POLR1B: variants seen among roughly 807,000 people sequenced by gnomAD.
The protein encoded by POLR1B is RNA polymerase I subunit B, also known as DNA-directed RNA polymerase I subunit RPA2.
In POLR1B, 30 loss-of-function variants were observed where a neutral mutation model predicts 105.8. That is an observed-to-expected ratio of 0.28 (90% confidence interval 0.21 to 0.38). POLR1B has a LOEUF of 0.38. POLR1B is among the 10% of genes least tolerant of loss of function. The pLI, the probability that POLR1B is intolerant of heterozygous loss-of-function variation, is 1.00. For synonymous variants in POLR1B, 485 were observed against 505.1 expected (o/e 0.96, Z 0.53); for missense variants, 976 against 1,435.8 (o/e 0.68, Z 5.17).
At chr2:112,562,929 A>G (rs1684079421) in intron 9 of POLR1B, among the ~76,000 whole-genome samples, 1 of 149,996 alleles carries the variant, frequency 6.7e-6, no homozygotes, top group Admixed American at 6.6e-5. Context: ...GGGTTTTTCC[A>G]TGTTGGTCAG....
In POLR1B at chr2:112,550,872, C is replaced by G; in HGVS notation, c.632C>G (p.Ser211Ter). Residue 211 changes from serine to a stop codon, truncating the protein, a stop_gained, in exon 5 of 15, where the codon TCA becomes TGA. Transcript: ENST00000263331. LOFTEE classifies it high-confidence loss of function. ...RGPGYTQYGV[S>*]MHCVREEHSA... is the part of the protein sequence containing the mutation. Reference sequence around the variant, plus strand: ...TTGTTGTTTGGTTCAATAGGAGTTTCAATGCACTGTGTGAGGGAAGAACAT... The same window carrying G: ...TTGTTGTTTGGTTCAATAGGAGTTTGAATGCACTGTGTGAGGGAAGAACAT... 1 of 1,613,884 alleles carries G rather than the reference C, an allele frequency of 6.2e-7. No individual in the cohort carries two copies. Among genetic ancestry groups the G allele is most frequent in the East Asian group, 2.2e-5 (1 of 44,880 alleles).
At chr2:112,556,854 G>A (rs1408495764) in intron 7 of POLR1B, among the ~76,000 whole-genome samples, 1 of 151,830 alleles carries the variant, frequency 6.6e-6, no homozygotes, top group Non-Finnish European at 1.5e-5. Context: ...ATATTTATCG[G>A]GTATACAGTG....
chr2:112,578,030 C>T lies in POLR1B; in HGVS notation c.*2301C>T, dbSNP rs149033700. Among the ~76,000 whole-genome samples, 5 of 152,140 alleles carry T rather than the reference C, an allele frequency of 3.3e-5. No individual in the cohort carries two copies. The highest frequency in any genetic ancestry group is 9.7e-5 in the African/African-American group (4 of 41,450). ...AGGTTCTGGCTACTGAATGATCCCA[C>T]AGCTGAGGTCTATTGTCATCGCTCC... On this transcript the variant is annotated 3_prime_UTR_variant, in exon 15 of 15. Transcript: ENST00000263331.
intron 1 of POLR1B, among the ~76,000 whole-genome samples, chr2:112,543,563 G>A (rs148673854): frequency 4.6e-5 from 7 of 152,304 alleles, no homozygotes; most frequent in Admixed American, 3.3e-4. Flanking sequence ...AGAGTCACAT[G>A]CTTCGGGGAC....
intron 3 of POLR1B, among the ~76,000 whole-genome samples, chr2:112,548,770 G>T (rs1437233925): frequency 6.6e-6 from 1 of 152,012 alleles, no homozygotes; most frequent in African/African-American, 2.4e-5. Context: ...CCACTACCAC[G>T]CCTGGCTAAT....
At position 112,551,936 on chromosome 2, in the gene POLR1B, C is replaced by A; in HGVS notation, c.924C>A (p.Phe308Leu). 1 of 1,614,182 alleles carries A rather than the reference C, an allele frequency of 6.2e-7. No individual in the cohort carries two copies. The highest frequency in any genetic ancestry group is 8.5e-7 in the Non-Finnish European group (1 of 1,180,036). The change falls in exon 6 of 15, where the codon TTC (phenylalanine) becomes TTA (leucine). Residue 308 changes from phenylalanine to leucine, a missense_variant. Around this residue, in one of 12 missense-constraint regions of POLR1B, gnomAD observed 452 missense variants for 616.5 expected, o/e 0.73. Coordinates refer to ENST00000263331, the MANE Select transcript of POLR1B (RefSeq NM_019014.6). ...TCCTTAACTACCTAGGTGAATGCTTCAGAGTAAAACTCAATGTTCCTGACT... is the reference window on the plus strand; with the variant it reads ...TCCTTAACTACCTAGGTGAATGCTTAAGAGTAAAACTCAATGTTCCTGACT... The part of the protein sequence containing the change: ...KQVLNYLGEC[F>L]RVKLNVPDWY...
intron 9 of POLR1B, among the ~76,000 whole-genome samples, chr2:112,561,351 C>T (rs904843593): frequency 1.3e-5 from 2 of 152,074 alleles, no homozygotes; most frequent in Non-Finnish European, 2.9e-5. Flanking sequence ...ACCTAACTTT[C>T]GATAGAGATG....
rs748317891 is a variant in POLR1B, at chr2:112,572,613, A to G, written c.2126A>G (p.Asn709Ser). Residue 709 changes from asparagine (N) to serine (S), a missense_variant, in exon 13 of 15, where the codon AAC becomes AGC. By Grantham distance (46) the Asn-to-Ser change is conservative. Coordinates refer to ENST00000263331, the MANE Select transcript of POLR1B (RefSeq NM_019014.6). ...CTCACTTATCAAGACCGATCGGATA[A>G]CAAACTGTATCGTCTTCAGACTCCT... is the stretch of plus-strand genomic sequence containing the variant. ...PLLTYQDRSD[N>S]KLYRLQTPQS... 1 of 1,611,646 alleles carries G rather than the reference A, an allele frequency of 6.2e-7. No homozygotes were observed. The highest frequency in any genetic ancestry group is 8.5e-7 in the Non-Finnish European group (1 of 1,178,990).
intron 11 of POLR1B, among the ~76,000 whole-genome samples, chr2:112,568,370 A>G (rs1026403521): frequency 6.6e-6 from 1 of 152,146 alleles, no homozygotes; most frequent in African/African-American, 2.4e-5. Flanking sequence ...CCTGCCTCCC[A>G]TCTTATCTAG....
chr2:112,546,544 C>CA (rs1683053248), intron 1 of POLR1B, among the ~76,000 whole-genome samples: 1 of 53,158 alleles, frequency 1.9e-5, no homozygotes, highest in East Asian at 7.5e-4. Context: ...CTGGAGGTAG[C>CA]TTTTTTTTTT....
chr2:112,576,467 C>G lies in POLR1B; in HGVS notation c.*738C>G, dbSNP rs1371392973. On this transcript the variant is annotated 3_prime_UTR_variant, in exon 15 of 15. Coordinates refer to ENST00000263331, the MANE Select transcript of POLR1B (RefSeq NM_019014.6). ...CATGTTGTACAACAGATCTTTAGAC[C>G]TTACTTGTCTTGCATAACTGAAGCT... 1 of 152,100 alleles carries G rather than the reference C, an allele frequency of 6.6e-6. No individual in the cohort carries two copies. The highest frequency in any genetic ancestry group is 1.5e-5 in the Non-Finnish European group (1 of 68,026). The allele number at this position is 152,100 out of a possible 1,614,324, so 9.4% of individuals were successfully genotyped here.
At chr2:112,573,837 G>GTT in intron 14 of POLR1B, 22 bp downstream of exon 14, 1 of 1,605,742 alleles carries the variant, frequency 6.2e-7, no homozygotes, top group Non-Finnish European at 8.5e-7. Flanking sequence ...TATCCAAGCT[G>GTT]TTTTGTTTTT....
At chr2:112,550,165 T>C (rs1435155029) in intron 4 of POLR1B, among the ~76,000 whole-genome samples, 1 of 152,234 alleles carries the variant, frequency 6.6e-6, no homozygotes, top group Non-Finnish European at 1.5e-5. Flanking sequence ...TTACTACTTA[T>C]GAAGATGGAA....
Position 112,568,917 on chromosome 2 carries a change from T to G in POLR1B, c.2074+15T>G. 1 of 1,611,558 alleles carries G rather than the reference T, an allele frequency of 6.2e-7. No homozygotes were observed. The highest frequency in any genetic ancestry group is 8.5e-7 in the Non-Finnish European group (1 of 1,178,250). ...ATGCCAGATGGGTAAGGAAGAGGGA[T>G]GATGTTACAGTCACAATCAGGAAAG... On this transcript the variant is annotated intron_variant, in intron 12 of 14. Transcript: ENST00000263331.
intron 10 of POLR1B, among the ~76,000 whole-genome samples, chr2:112,566,753 G>A (rs1407496334): frequency 2.0e-5 from 3 of 147,104 alleles, no homozygotes; most frequent in African/African-American, 7.5e-5. Flanking sequence ...TTTTTTTTGA[G>A]GCAGAGTCTC....
intron 1 of POLR1B, 43 bp downstream of exon 1, chr2:112,542,714 A>G (rs753586463): frequency 5.0e-6 from 8 of 1,603,840 alleles, no homozygotes; most frequent in African/African-American, 2.7e-5. Flanking sequence ...GGCGAGGCCA[A>G]TCCCAGGGAG....
upstream of POLR1B, chr2:112,542,299 C>A: frequency 6.5e-7 from 1 of 1,528,370 alleles, no homozygotes; most frequent in Non-Finnish European, 8.8e-7. Flanking sequence ...TTAATCGGCC[C>A]GTTCACTCGA....
chr2:112,544,577 T>C (rs914356522), intron 1 of POLR1B, among the ~76,000 whole-genome samples: 1 of 152,246 alleles, frequency 6.6e-6, no homozygotes, highest in African/African-American at 2.4e-5. Flanking sequence ...TGGATTCTCA[T>C]GTCTGCTTGT....
intron 10 of POLR1B, 125 bp downstream of exon 10, chr2:112,564,624 G>A (rs1392044185): frequency 2.3e-6 from 3 of 1,294,686 alleles, no homozygotes; most frequent in Non-Finnish European, 3.3e-6. Flanking sequence ...ACAATGTCCA[G>A]AATGCCTGTG....
Sources: allele counts gnomAD v4.1 joint callset (sites outside exome capture counted in the v4.1 genomes callset), GRCh38; gene constraint gnomAD v4.1.1; regional missense constraint gnomAD v4.1.1; transcripts MANE v1.5; gene names NCBI Gene and HGNC (gene_info 2026-07-23, HGNC 2026-07-21).